Variants in GPC6 observed in about 807,000 individuals in gnomAD.
GPC6 encodes the protein glypican 6, also known as glypican-6.
Under a neutral mutation model 55.2 loss-of-function variants are expected in GPC6, and 14 were observed. The observed-to-expected ratio is 0.25, with a 90% CI of 0.17 to 0.40. The LOEUF (loss-of-function observed/expected upper bound fraction) is 0.40, where lower values mean the gene tolerates loss of function less well. Among genes scored for constraint, GPC6 ranks in the 10% least tolerant of loss-of-function variants. The probability of loss-of-function intolerance (pLI) is 1.00; values close to 1 mark genes in which losing one functional copy is unlikely to be tolerated. For missense variants in GPC6, 641 were observed against 708.5 expected (o/e 0.90, Z 1.08); for synonymous variants, 278 against 259.6 (o/e 1.07, Z -0.68).
chr13:94,328,773 A>C (rs967517546), intron 6 of GPC6, among the ~76,000 whole-genome samples: 1 of 152,230 alleles, frequency 6.6e-6, no homozygotes, highest in African/African-American at 2.4e-5. Context: ...CCGCTGGGGA[A>C]GTGGGCAGCC....
intron 6 of GPC6, among the ~76,000 whole-genome samples, chr13:94,374,229 GTAAATGGAC>G (rs1879727500): frequency 6.7e-6 from 1 of 150,246 alleles, no homozygotes; most frequent in South Asian, 2.1e-4. Flanking sequence ...AACTTTAAAT[GTAAATGGAC>G]TAAATGCTCC....
intron 2 of GPC6, among the ~76,000 whole-genome samples, chr13:93,780,310 T>A (rs963095239): frequency 4.6e-5 from 7 of 152,136 alleles, no homozygotes; most frequent in Non-Finnish European, 7.4e-5. Context: ...AAGAGAATAT[T>A]GCCATAGGCT....
intron 2 of GPC6, among the ~76,000 whole-genome samples, chr13:93,759,285 A>C (rs1419655297): frequency 3.3e-5 from 5 of 152,178 alleles, no homozygotes; most frequent in African/African-American, 1.2e-4. Flanking sequence ...CCCCATATGT[A>C]TCCCCCACTT....
intron 2 of GPC6, among the ~76,000 whole-genome samples, chr13:93,572,446 C>G (rs8001883): frequency 0.048 from 7,292 of 152,076 alleles, 597 homozygotes; most frequent in African/African-American, 0.17. Flanking sequence ...TCACAGGTAG[C>G]TTGTTAGAAG....
intron 2 of GPC6, among the ~76,000 whole-genome samples, chr13:93,548,329 G>A (rs1362634334): frequency 6.6e-6 from 1 of 152,100 alleles, no homozygotes; most frequent in African/African-American, 2.4e-5. Context: ...AATTAAGAAA[G>A]GTTGATGACT....
chr13:93,814,666 G>T (rs1886793827), intron 2 of GPC6, among the ~76,000 whole-genome samples: 1 of 152,190 alleles, frequency 6.6e-6, no homozygotes, highest in Non-Finnish European at 1.5e-5. Flanking sequence ...TTTGGCAAAT[G>T]ATCTGTCAAG....
In GPC6 at chr13:93,738,948, C is replaced by G. The variant is rs556700776; in HGVS notation, c.320-91206C>G. Among the ~76,000 whole-genome samples the G allele has an allele frequency of 5.1e-5, 7 of 137,326 alleles. No individual in the cohort carries two copies. In the Admixed American group the frequency reaches 5.1e-4, roughly 10 times the overall value. The allele number at this position is 137,326 out of a possible 152,430, so 90.1% of individuals were successfully genotyped here. ...GTGCACTTGGTTTTACACACACACA[C>G]ACACACACACACACACACACACACT... On this transcript the variant is annotated intron_variant, in intron 2 of 8. Transcript: ENST00000377047.
chr13:94,029,219 A>G (rs1883020266), intron 4 of GPC6, among the ~76,000 whole-genome samples: 1 of 152,242 alleles, frequency 6.6e-6, no homozygotes, highest in Non-Finnish European at 1.5e-5. Context: ...TTTTGCTTAG[A>G]AAGGCCAGAG....
chr13:93,263,661 C>T (rs1006225348), intron 1 of GPC6, among the ~76,000 whole-genome samples: 38 of 152,124 alleles, frequency 2.5e-4, no homozygotes, highest in Admixed American at 2.1e-3. Flanking sequence ...CACCACGCCC[C>T]GCCACTGCCT....
intron 2 of GPC6, among the ~76,000 whole-genome samples, chr13:93,574,949 A>G (rs769669199): frequency 2.6e-5 from 4 of 152,296 alleles, no homozygotes; most frequent in African/African-American, 4.8e-5. Context: ...TGACAAACCC[A>G]GGGAAGTGCT....
chr13:93,748,164 T>C (rs1029130002), intron 2 of GPC6, among the ~76,000 whole-genome samples: 3 of 152,204 alleles, frequency 2.0e-5, no homozygotes, highest in East Asian at 1.9e-4. Context: ...ACGATACTAT[T>C]CTTTTGTTCA....
chr13:94,299,360 A>G (rs1267920674), intron 5 of GPC6, among the ~76,000 whole-genome samples: 2 of 152,236 alleles, frequency 1.3e-5, no homozygotes, highest in East Asian at 3.9e-4. Flanking sequence ...AAGTATTAGG[A>G]GAAAGATTAA....
At chr13:93,805,981 CCA>C (rs2138944414) in intron 2 of GPC6, among the ~76,000 whole-genome samples, 1 of 152,298 alleles carries the variant, frequency 6.6e-6, no homozygotes, top group South Asian at 2.1e-4. Context: ...CAGTCATTCA[CCA>C]CGCTATGCCT....
chr13:93,886,932 C>T (rs138998666), intron 3 of GPC6, among the ~76,000 whole-genome samples: 1 of 151,858 alleles, frequency 6.6e-6, no homozygotes, highest in Admixed American at 6.6e-5. Context: ...GGAATACATG[C>T]GTCTAACTGG....
At chr13:93,786,117 T>C (rs1035501390) in intron 2 of GPC6, among the ~76,000 whole-genome samples, 7 of 152,032 alleles carry the variant, frequency 4.6e-5, no homozygotes. Flanking sequence ...CGCCAAACAC[T>C]CAGATGTTAT....
chr13:93,706,725 A>C (rs1347806506), intron 2 of GPC6, among the ~76,000 whole-genome samples: 1 of 151,888 alleles, frequency 6.6e-6, no homozygotes, highest in African/African-American at 2.4e-5. Context: ...TCCATTCAAT[A>C]GTTTAATAAT....
chr13:94,199,416 C>T (rs1037113952), intron 4 of GPC6, among the ~76,000 whole-genome samples: 2 of 152,108 alleles, frequency 1.3e-5, no homozygotes, highest in South Asian at 4.2e-4. Flanking sequence ...GCCTGCATAA[C>T]CAGCTGCTTG....
chr13:93,859,304 C>T (rs1594531727), intron 3 of GPC6, among the ~76,000 whole-genome samples: 1 of 151,552 alleles, frequency 6.6e-6, no homozygotes, highest in Non-Finnish European at 1.5e-5. Flanking sequence ...TCTAATTGTT[C>T]TTTCATTTTC....
chr13:93,820,052 G>T (rs758965950), intron 2 of GPC6, among the ~76,000 whole-genome samples: 27 of 152,098 alleles, frequency 1.8e-4, no homozygotes, highest in Non-Finnish European at 2.9e-4. Flanking sequence ...ACTTGATTCT[G>T]AAAAATCCAG....
Sources: allele counts gnomAD v4.1 joint callset (sites outside exome capture counted in the v4.1 genomes callset), GRCh38; gene constraint gnomAD v4.1.1; transcripts MANE v1.5; gene names NCBI Gene and HGNC (gene_info 2026-07-23, HGNC 2026-07-21).